Variants in DPEP1 observed in about 807,000 individuals in gnomAD.
DPEP1 encodes beta-lactamase.
Under a neutral mutation model 42.3 loss-of-function variants are expected in DPEP1, and 50 were observed. That is an observed-to-expected ratio of 1.18 (90% CI 0.94 to 1.50). The LOEUF (loss-of-function observed/expected upper bound fraction) is 1.50. DPEP1 is among the 40% of genes most tolerant of loss of function. DPEP1 has a pLI of 0.00. For missense variants in DPEP1, 663 were observed against 553.0 expected, an observed-to-expected ratio of 1.20 and a Z score of -1.99; for synonymous variants, 297 against 234.0, an observed-to-expected ratio of 1.27 and a Z score of -2.46.
chr16:89,637,881 C>G lies in DPEP1; in HGVS notation c.975C>G (p.Ile325Met). The change falls in exon 10 of 11, where the codon ATC (isoleucine) becomes ATG (methionine). Residue 325 changes from isoleucine (I) to methionine (M), a missense_variant. Transcript: ENST00000690203. ...LEDVSKYPDL[I>M]AELLRRNWTE... Reference sequence around the variant, plus strand: ...ACGTCTCCAAGTATCCAGACCTGATCGCTGAGCTGCTCAGGAGGAACTGGA... The same window carrying G: ...ACGTCTCCAAGTATCCAGACCTGATGGCTGAGCTGCTCAGGAGGAACTGGA... 6.2e-7 allele frequency: 1 copy of G among 1,612,670 alleles called. No homozygotes were observed. Among genetic ancestry groups the G allele is most frequent in the Non-Finnish European group, 8.5e-7 (1 of 1,179,854 alleles).
At chr16:89,632,110 C>A (rs1031685200) in intron 2 of DPEP1, among the ~76,000 whole-genome samples, 2 of 152,132 alleles carry the variant, frequency 1.3e-5, no homozygotes, top group African/African-American at 4.8e-5. Flanking sequence ...AGTGCAGTGG[C>A]GTGATCTCAG....
chr16:89,634,467 C>T (rs1446663077), intron 2 of DPEP1, among the ~76,000 whole-genome samples: 1 of 152,110 alleles, frequency 6.6e-6, no homozygotes, highest in African/African-American at 2.4e-5. Flanking sequence ...GGATTCGGAC[C>T]CTCTGGGATC....
At chr16:89,614,837 G>A (rs2059367146) in intron 1 of DPEP1, among the ~76,000 whole-genome samples, 1 of 152,122 alleles carries the variant, frequency 6.6e-6, no homozygotes, top group African/African-American at 2.4e-5. Flanking sequence ...TAGGGTGCGG[G>A]GAGCTTCAGG....
chr16:89,614,773 T>G lies in DPEP1; in HGVS notation c.-107+1054T>G, dbSNP rs562118257. On this transcript the variant is annotated intron_variant, in intron 1 of 10. Transcript: ENST00000690203. ...TCGTGCCACTGCACTCCAGCCTGAG[T>G]GACAGAGCGAGACTCCGTATCCAAA... 2.6e-5 allele frequency among the ~76,000 whole-genome samples: 4 copies of G among 152,100 alleles called. No homozygotes were observed. The South Asian group carries it at 6.2e-4, about 24-fold the overall frequency.
chr16:89,623,019 G>C lies in DPEP1; in HGVS notation c.-106-7286G>C, dbSNP rs78021403. Reference sequence around the variant, plus strand: ...GAGTGAGGAAGACGCTGAGGTCGGGGTTTGTTCCCAATTGGAAGAACTGGC... The same window carrying C: ...GAGTGAGGAAGACGCTGAGGTCGGGCTTTGTTCCCAATTGGAAGAACTGGC... On this transcript the variant is annotated intron_variant, in intron 1 of 10. Coordinates refer to ENST00000690203, the MANE Select transcript of DPEP1 (RefSeq NM_001389466.1). Among the ~76,000 whole-genome samples, 5,086 of 152,140 alleles carry C rather than the reference G, an allele frequency of 0.033. 654 individuals are homozygous for C. The East Asian group carries it at 0.49, about 15-fold the overall frequency.
intron 1 of DPEP1, among the ~76,000 whole-genome samples, chr16:89,625,667 G>A (rs1322859000): frequency 6.6e-6 from 1 of 152,124 alleles, no homozygotes; most frequent in African/African-American, 2.4e-5. Context: ...CCCAGTGTAG[G>A]GCAGGAGAAG....
chr16:89,630,997 C>T lies in DPEP1; in HGVS notation c.104+483C>T, dbSNP rs547167761. Among the ~76,000 whole-genome samples, 7 of 152,168 alleles carry T rather than the reference C, an allele frequency of 4.6e-5. No homozygotes were observed. In the East Asian group the frequency reaches 1.4e-3, roughly 29 times the overall value. ...ACTGGGCAGGAAGGAGGCAAGGCCA[C>T]ACTCCCTGGTCCCGAAGCTCAGAGT... On this transcript the variant is annotated intron_variant, in intron 2 of 10. Transcript: ENST00000690203.
At chr16:89,640,345 A>G (rs1378309948), downstream of DPEP1, among the ~76,000 whole-genome samples, 1 of 152,134 alleles carries the variant, frequency 6.6e-6, no homozygotes, top group African/African-American at 2.4e-5. Flanking sequence ...CTTGGCAGGG[A>G]GAAGGCTGGG....
At position 89,638,284 on chromosome 16, in the gene DPEP1, A is replaced by C. The variant is rs1382659468; in HGVS notation, c.*62A>C. On this transcript the variant is annotated 3_prime_UTR_variant, in exon 11 of 11. Transcript: ENST00000690203. ...AGCTCCGGGAAGACCCGCCCATCCC[A>C]GGACTCCAGATGCCAGGAGCCCTGC... 6.1e-6 allele frequency: 9 copies of C among 1,476,254 alleles called. No homozygotes were observed. The highest frequency in any genetic ancestry group is 7.2e-6 in the Non-Finnish European group (8 of 1,115,670). The allele number at this position is 1,476,254 out of a possible 1,614,324, so 91.4% of individuals were successfully genotyped here.
In DPEP1 at chr16:89,637,855, G is replaced by T. The variant is rs762541462; in HGVS notation, c.949G>T (p.Asp317Tyr). Residue 317 changes from aspartate to tyrosine, a missense_variant, in exon 10 of 11, where the codon GAC becomes TAC. Physicochemically the swap from Asp to Tyr is radical, Grantham distance 160 (BLOSUM62 -3). Coordinates refer to ENST00000690203, the MANE Select transcript of DPEP1 (RefSeq NM_001389466.1). The part of the protein sequence containing the change: ...GVPRVPEGLE[D>Y]VSKYPDLIAE... ...ACACAGGGTCCCTGAGGGGCTGGAG[G>T]ACGTCTCCAAGTATCCAGACCTGAT... The T allele has an allele frequency of 7.6e-5, 122 of 1,612,642 alleles. No homozygotes were observed. Among genetic ancestry groups the T allele is most frequent in the Non-Finnish European group, 1.0e-4 (118 of 1,179,932 alleles).
At chr16:89,633,034 C>G (rs74033811) in intron 2 of DPEP1, among the ~76,000 whole-genome samples, 3,730 of 152,256 alleles carry the variant, frequency 0.024, 152 homozygotes, top group African/African-American at 0.086. Context: ...CTAGGAATCC[C>G]TACCCATCCC....
At chr16:89,615,516 CAG>C (rs1318552624) in intron 1 of DPEP1, among the ~76,000 whole-genome samples, 1 of 152,198 alleles carries the variant, frequency 6.6e-6, no homozygotes, top group Non-Finnish European at 1.5e-5. Context: ...GCCTTGCTCT[CAG>C]GGGTGAGGGC....
Position 89,637,869 on chromosome 16 carries a change from T to C in DPEP1, c.963T>C (p.Tyr321=). Residue 321 remains tyrosine (Y), a synonymous_variant, in exon 10 of 11, where the codon TAT becomes TAC. Transcript: ENST00000690203. ...AGGGGCTGGAGGACGTCTCCAAGTA[T>C]CCAGACCTGATCGCTGAGCTGCTCA... The part of the protein sequence containing the change: ...VPEGLEDVSK[Y]PDLIAELLRR... 1 of 1,612,720 alleles carries C rather than the reference T, an allele frequency of 6.2e-7. No individual in the cohort carries two copies. The highest frequency in any genetic ancestry group is 1.1e-5 in the South Asian group (1 of 91,080).
At chr16:89,625,261 C>G (rs1424923483) in intron 1 of DPEP1, among the ~76,000 whole-genome samples, 2 of 152,124 alleles carry the variant, frequency 1.3e-5, no homozygotes, top group African/African-American at 4.8e-5. Flanking sequence ...ACGAATTGGC[C>G]TAAGTTCCCT....
Position 89,629,069 on chromosome 16 carries a change from C to T in DPEP1, c.-106-1236C>T, listed in dbSNP as rs186191933. 6.5e-3 allele frequency among the ~76,000 whole-genome samples: 993 copies of T among 152,308 alleles called. 5 individuals carry two copies. The highest frequency in any genetic ancestry group is 0.01 in the Non-Finnish European group (683 of 68,026). ...CTTGAACTCCTGACCTCAAGTGATC[C>T]ATCCGCTTCGGCCTCCCAAAGTGCT... On this transcript the variant is annotated intron_variant, in intron 1 of 10. Transcript: ENST00000690203.
chr16:89,625,136 G>T (rs528780228), intron 1 of DPEP1, among the ~76,000 whole-genome samples: 4 of 152,086 alleles, frequency 2.6e-5, no homozygotes, highest in African/African-American at 9.6e-5. Flanking sequence ...TGGATTCAGC[G>T]TGCTTTGGCC....
At chr16:89,633,010 C>A (rs777469313) in intron 2 of DPEP1, among the ~76,000 whole-genome samples, 1 of 152,094 alleles carries the variant, frequency 6.6e-6, no homozygotes, top group African/African-American at 2.4e-5. Flanking sequence ...CCTCCAAGGG[C>A]GGCTCCTGGG....
chr16:89,641,161 G>A (rs1432774259), downstream of DPEP1, among the ~76,000 whole-genome samples: 2 of 152,252 alleles, frequency 1.3e-5, no homozygotes, highest in Non-Finnish European at 2.9e-5. Flanking sequence ...AAGGCGGACT[G>A]GGAGCGTGAC....
In DPEP1 at chr16:89,638,391, C is replaced by G; in HGVS notation, c.*169C>G. On this transcript the variant is annotated 3_prime_UTR_variant, in exon 11 of 11. Coordinates refer to ENST00000690203, the MANE Select transcript of DPEP1 (RefSeq NM_001389466.1). The stretch of plus-strand genomic sequence containing the variant: ...CAGGATGCCTGGGGACAGTTCAGGA[C>G]ACACACACAGTAGGCCCGCAATAAA... 1 of 1,386,542 alleles carries G rather than the reference C, an allele frequency of 7.2e-7. No homozygotes were observed. The highest frequency in any genetic ancestry group is 2.7e-5 in the East Asian group (1 of 37,260). The allele number at this position is 1,386,542 out of a possible 1,614,324, so 85.9% of individuals were successfully genotyped here.
Sources: allele counts gnomAD v4.1 joint callset (sites outside exome capture counted in the v4.1 genomes callset), GRCh38; gene constraint gnomAD v4.1.1; transcripts MANE v1.5; gene names NCBI Gene and HGNC (gene_info 2026-07-23, HGNC 2026-07-21).